Variants in KCNN2 observed in about 807,000 individuals in gnomAD.
KCNN2 encodes the protein potassium calcium-activated channel subfamily N member 2.
KCNN2 carries 24 observed loss-of-function variants against 55.5 expected under a neutral mutation model. The ratio of observed to expected loss-of-function variants is 0.43; its 90% CI spans 0.31 to 0.61. KCNN2 has a LOEUF of 0.61. Among genes scored for constraint, KCNN2 ranks in the 20% least tolerant of loss-of-function variants. KCNN2 has a pLI of 0.08. For missense variants in KCNN2, 754 were observed against 853.6 expected (o/e 0.88, Z 1.45); for synonymous variants, 431 against 336.1 (o/e 1.28, Z -3.09).
chr5:114,311,129 C>A (rs866929410), intron 2 of KCNN2, among the ~76,000 whole-genome samples: 1 of 151,696 alleles, frequency 6.6e-6, no homozygotes, highest in Non-Finnish European at 1.5e-5. Flanking sequence ...GCTGACCTTG[C>A]GTCTCTTTGC....
intron 1 of KCNN2, among the ~76,000 whole-genome samples, chr5:114,056,707 G>C (rs1750216714): frequency 6.6e-6 from 1 of 152,140 alleles, no homozygotes; most frequent in South Asian, 2.1e-4. Context: ...GCATTTGAGA[G>C]TTCTGCACTA....
chr5:114,208,895 C>T (rs13359151), intron 1 of KCNN2, among the ~76,000 whole-genome samples: 3,757 of 152,270 alleles, frequency 0.025, 142 homozygotes, highest in African/African-American at 0.085. Flanking sequence ...ACTATGTTCT[C>T]TCTCTTTCCT....
chr5:114,194,639 T>G (rs1290433123), intron 1 of KCNN2, among the ~76,000 whole-genome samples: 3 of 152,092 alleles, frequency 2.0e-5, no homozygotes, highest in African/African-American at 7.2e-5. Flanking sequence ...TTTTCTTCTA[T>G]TCAGTAGATT....
chr5:114,376,076 C>A (rs766150846), intron 2 of KCNN2, among the ~76,000 whole-genome samples: 3 of 150,950 alleles, frequency 2.0e-5, no homozygotes, highest in Admixed American at 2.0e-4. Flanking sequence ...CCACGTTCTG[C>A]GTCTCATCTC....
intron 2 of KCNN2, among the ~76,000 whole-genome samples, chr5:114,304,361 G>T (rs146728093): frequency 6.6e-6 from 1 of 152,124 alleles, no homozygotes; most frequent in Admixed American, 6.5e-5. Context: ...ACTTCTTTAG[G>T]CCTTTTGGCC....
chr5:114,224,254 C>A (rs1487590814), intron 2 of KCNN2, among the ~76,000 whole-genome samples: 1 of 152,144 alleles, frequency 6.6e-6, no homozygotes, highest in Non-Finnish European at 1.5e-5. Flanking sequence ...CAAAATAAAA[C>A]TTACTTGTTT....
chr5:114,479,851 G>A (rs924383158), intron 5 of KCNN2, among the ~76,000 whole-genome samples: 3 of 152,106 alleles, frequency 2.0e-5, no homozygotes, highest in Admixed American at 1.3e-4. Flanking sequence ...AAGAGGCAAC[G>A]TAGCAGAATC....
Position 114,461,630 on chromosome 5 carries a change from G to A in KCNN2, c.1638-1419G>A, listed in dbSNP as rs186797975. ...TCTCTTGTATGTCCAAAGATAGAGT[G>A]TAAGATCTGCTGATATTGTGGAGAA... On this transcript the variant is annotated intron_variant, in intron 3 of 7. Coordinates refer to ENST00000673685, the MANE Select transcript of KCNN2 (RefSeq NM_021614.4). Among the ~76,000 whole-genome samples, 15 of 152,218 alleles carry A rather than the reference G, an allele frequency of 9.9e-5. 1 individual carries two copies. The East Asian group carries it at 2.9e-3, about 29-fold the overall frequency.
intron 1 of KCNN2, among the ~76,000 whole-genome samples, chr5:114,131,162 A>G (rs184572696): frequency 1.3e-5 from 2 of 152,098 alleles, no homozygotes; most frequent in Non-Finnish European, 2.9e-5. Flanking sequence ...GTACATGTGC[A>G]GGATGTGCAG....
At position 114,269,921 on chromosome 5, in the gene KCNN2, C is replaced by T. The variant is rs1163739887; in HGVS notation, c.-185+48356C>T. ...ATGAAATGGAGGGTCACCACTAGACCGTTTCAGAATAGCATTTGCAAACGT... is the reference window on the plus strand; with the variant it reads ...ATGAAATGGAGGGTCACCACTAGACTGTTTCAGAATAGCATTTGCAAACGT... On this transcript the variant is annotated intron_variant, in intron 2 of 10. Transcript: ENST00000512097. Among the ~76,000 whole-genome samples, 8 of 152,090 alleles carry T rather than the reference C, an allele frequency of 5.3e-5. No homozygotes were observed. The East Asian group carries it at 5.8e-4, about 11-fold the overall frequency.
At chr5:114,237,286 A>T (rs957458721) in intron 2 of KCNN2, among the ~76,000 whole-genome samples, 1 of 146,670 alleles carries the variant, frequency 6.8e-6, no homozygotes, top group African/African-American at 2.6e-5. Context: ...ACACACACAC[A>T]CACACTCACA....
chr5:114,412,517 T>G (rs1188790269), intron 3 of KCNN2, among the ~76,000 whole-genome samples: 1 of 152,226 alleles, frequency 6.6e-6, no homozygotes, highest in Non-Finnish European at 1.5e-5. Context: ...TTATATAACA[T>G]AAGCCAGTTG....
chr5:114,070,084 C>A (rs991939322), intron 1 of KCNN2, among the ~76,000 whole-genome samples: 2 of 152,186 alleles, frequency 1.3e-5, no homozygotes, highest in African/African-American at 4.8e-5. Flanking sequence ...TGTGGAAAAG[C>A]AATCTGATTC....
At chr5:114,483,862 C>T (rs1442576308) in intron 5 of KCNN2, among the ~76,000 whole-genome samples, 3 of 151,928 alleles carry the variant, frequency 2.0e-5, no homozygotes, top group Non-Finnish European at 2.9e-5. Context: ...AATTATTATA[C>T]CTACTAAATG....
At chr5:114,341,904 G>GTTT (rs58992446) in intron 2 of KCNN2, among the ~76,000 whole-genome samples, 2 of 138,368 alleles carry the variant, frequency 1.4e-5, no homozygotes, top group Admixed American at 7.3e-5. Context: ...TTCATAATGT[G>GTTT]TTTTTTTTTT....
intron 2 of KCNN2, among the ~76,000 whole-genome samples, chr5:114,255,498 G>T (rs574710854): frequency 6.6e-6 from 1 of 152,192 alleles, no homozygotes; most frequent in African/African-American, 2.4e-5. Context: ...GTAGCGGTGA[G>T]AGAGAAACAC....
At chr5:114,361,632 C>T (rs2150044270), upstream of KCNN2, among the ~76,000 whole-genome samples, 1 of 108,666 alleles carries the variant, frequency 9.2e-6, no homozygotes, top group Middle Eastern at 4.5e-3. Context: ...GGGTTCCACA[C>T]CGTCCCTGAG....
At chr5:114,417,059 G>A (rs1427718249) in intron 3 of KCNN2, among the ~76,000 whole-genome samples, 1 of 152,154 alleles carries the variant, frequency 6.6e-6, no homozygotes, top group Non-Finnish European at 1.5e-5. Context: ...TGCCCATTTG[G>A]TATTATTTGG....
intron 1 of KCNN2, among the ~76,000 whole-genome samples, chr5:114,200,841 T>G (rs972622626): frequency 1.3e-5 from 2 of 152,070 alleles, no homozygotes. Flanking sequence ...TTAGTTCAGG[T>G]TGTGGTGAAA....
Sources: allele counts gnomAD v4.1 joint callset (sites outside exome capture counted in the v4.1 genomes callset), GRCh38; gene constraint gnomAD v4.1.1; transcripts MANE v1.5; gene names NCBI Gene and HGNC (gene_info 2026-07-23, HGNC 2026-07-21).